The following BBS9 variants were observed in gnomAD, a reference collection of about 807,000 sequenced individuals.
BBS9 encodes Bardet-Biedl syndrome 9, also known as protein PTHB1.
BBS9 carries 89 observed loss-of-function variants against 117.7 expected under a neutral mutation model. The observed-to-expected ratio is 0.76, with a 90% confidence interval of 0.64 to 0.90. The LOEUF (loss-of-function observed/expected upper bound fraction) is 0.90. Among genes scored for constraint, BBS9 ranks in the 40% least tolerant of loss-of-function variants. The pLI, the probability that BBS9 is intolerant of heterozygous loss-of-function variation, is 0.00. For missense variants in BBS9, 982 were observed against 1,042.2 expected (o/e 0.94, Z 0.80); for synonymous variants, 379 against 370.9 (o/e 1.02, Z -0.25).
chr7:33,426,706 T>C (rs1412637663), intron 19 of BBS9, among the ~76,000 whole-genome samples: 1 of 152,140 alleles, frequency 6.6e-6, no homozygotes, highest in East Asian at 1.9e-4. Flanking sequence ...CTATGTTTAC[T>C]ATTTCCTTAA....
At chr7:33,143,845 A>G (rs984730282) in intron 1 of BBS9, among the ~76,000 whole-genome samples, 23 of 121,452 alleles carry the variant, frequency 1.9e-4, no homozygotes, top group African/African-American at 4.4e-4. Flanking sequence ...GATTACAAGT[A>G]TGAGCCACCG....
At chr7:33,418,429 T>C (rs996983981) in intron 19 of BBS9, among the ~76,000 whole-genome samples, 2 of 152,192 alleles carry the variant, frequency 1.3e-5, no homozygotes, top group African/African-American at 4.8e-5. Context: ...CTTCTTGCAG[T>C]GGAATTCTGA....
intron 20 of BBS9, among the ~76,000 whole-genome samples, chr7:33,508,015 G>T (rs1413290658): frequency 6.6e-6 from 1 of 152,144 alleles, no homozygotes; most frequent in Non-Finnish European, 1.5e-5. Flanking sequence ...AATGTGCAGT[G>T]CCTCTTTGAA....
intron 5 of BBS9, among the ~76,000 whole-genome samples, chr7:33,212,770 G>A (rs758405823): frequency 2.0e-5 from 3 of 152,146 alleles, no homozygotes; most frequent in Admixed American, 1.3e-4. Flanking sequence ...GTAGAGGTAC[G>A]GCCTTGGTAG....
intron 4 of BBS9, among the ~76,000 whole-genome samples, chr7:33,161,285 G>A (rs371345196): frequency 1.3e-5 from 2 of 151,898 alleles, no homozygotes; most frequent in Non-Finnish European, 2.9e-5. Flanking sequence ...CCCACCCCAC[G>A]ACAGGCCCTG....
At chr7:33,411,011 G>GTTTTTTTTTTTTT (rs765425062) in intron 19 of BBS9, among the ~76,000 whole-genome samples, 21 of 96,426 alleles carry the variant, frequency 2.2e-4, no homozygotes, top group African/African-American at 5.8e-4. Context: ...AAATGTTGGT[G>GTTTTTTTTTTTTT]TTTTTTTTTT....
chr7:33,295,361 C>T (rs1390464768), intron 9 of BBS9, among the ~76,000 whole-genome samples: 3 of 151,878 alleles, frequency 2.0e-5, no homozygotes, highest in Admixed American at 6.6e-5. Context: ...ACTTCAAAGA[C>T]TACAGATTAT....
rs568538671 is a variant in BBS9 at position 33,184,669 on chromosome 7, G to A, written c.442+7078G>A. ...ATGGGTTCTGCATTCTGTTTCCTTT[G>A]GGTCAGGAGTCTCCTTCGTATCGTT... On this transcript the variant is annotated intron_variant, in intron 5 of 22. Coordinates refer to ENST00000242067, the MANE Select transcript of BBS9 (RefSeq NM_198428.3). Among the ~76,000 whole-genome samples the A allele has an allele frequency of 2.6e-5, 4 of 152,192 alleles. No homozygotes were observed. In the South Asian group the frequency reaches 6.2e-4, roughly 24 times the overall value.
At position 33,352,844 on chromosome 7, in the gene BBS9, G is replaced by C; in HGVS notation, c.1538-15G>C. 1.2e-6 allele frequency: 2 copies of C among 1,612,218 alleles called. No homozygotes were observed. The highest frequency in any genetic ancestry group is 1.7e-6 in the Non-Finnish European group (2 of 1,178,562). ...TTTTCCCCCTACCCATTTTTGCATT[G>C]CCTGTGATGGACAGATCGAAATCCT... On this transcript the variant is annotated splice_polypyrimidine_tract_variant and intron_variant, in intron 14 of 22. Coordinates refer to ENST00000242067, the MANE Select transcript of BBS9 (RefSeq NM_198428.3).
chr7:33,504,194 A>T (rs548684594), intron 19 of BBS9, among the ~76,000 whole-genome samples: 6 of 152,298 alleles, frequency 3.9e-5, no homozygotes, highest in Admixed American at 3.3e-4. Flanking sequence ...CTTCGTTTAA[A>T]CTTCCATGCC....
intron 1 of BBS9, among the ~76,000 whole-genome samples, chr7:33,142,737 C>A (rs1238342805): frequency 6.8e-6 from 1 of 147,906 alleles, no homozygotes; most frequent in Admixed American, 6.8e-5. Flanking sequence ...GGTTCATCTA[C>A]ATAGCAGATG....
At chr7:33,318,484 T>C (rs1811004771) in intron 9 of BBS9, among the ~76,000 whole-genome samples, 1 of 152,184 alleles carries the variant, frequency 6.6e-6, no homozygotes, top group Non-Finnish European at 1.5e-5. Context: ...CAATCCCATA[T>C]TCTCACTGCC....
chr7:33,406,344 G>C (rs996908103), intron 19 of BBS9, among the ~76,000 whole-genome samples: 1 of 152,188 alleles, frequency 6.6e-6, no homozygotes, highest in Non-Finnish European at 1.5e-5. Flanking sequence ...GAGTTCTGTA[G>C]ATGTCTATTA....
intron 9 of BBS9, among the ~76,000 whole-genome samples, chr7:33,321,484 A>G (rs909706422): frequency 6.6e-6 from 1 of 150,766 alleles, no homozygotes; most frequent in African/African-American, 2.4e-5. Context: ...TTTTCTTTGT[A>G]GCTTTTGTAA....
intron 19 of BBS9, among the ~76,000 whole-genome samples, chr7:33,421,224 G>A (rs1331441043): frequency 1.3e-5 from 2 of 151,616 alleles, no homozygotes; most frequent in African/African-American, 4.8e-5. Context: ...CAAACTGTGA[G>A]TCCAAGTAGG....
intron 19 of BBS9, among the ~76,000 whole-genome samples, chr7:33,404,811 C>G (rs925942052): frequency 1.3e-5 from 2 of 152,122 alleles, no homozygotes; most frequent in South Asian, 2.1e-4. Flanking sequence ...TTGACTTCCT[C>G]TTTTCCTAAT....
Position 33,223,803 on chromosome 7 carries a change from G to A in BBS9, c.443-33433G>A, listed in dbSNP as rs17170121. Among the ~76,000 whole-genome samples the A allele has an allele frequency of 4.9e-3, 749 of 152,158 alleles. 4 individuals carry two copies. Among genetic ancestry groups the A allele is most frequent in the African/African-American group, 0.017 (705 of 41,524 alleles). ...GAATGGAATCCTAAAAGCTCAAGGG[G>A]CTATTTAATATTTATTATATTTGGG... On this transcript the variant is annotated intron_variant, in intron 5 of 22. Transcript: ENST00000242067.
intron 21 of BBS9, among the ~76,000 whole-genome samples, chr7:33,621,256 C>T (rs528288350): frequency 9.9e-5 from 15 of 152,178 alleles, no homozygotes; most frequent in South Asian, 6.2e-4. Context: ...AAAGAGTAAA[C>T]AGACAACCTA....
At chr7:33,311,490 A>G (rs143520223) in intron 9 of BBS9, among the ~76,000 whole-genome samples, 37 of 152,268 alleles carry the variant, frequency 2.4e-4, no homozygotes, top group Admixed American at 4.6e-4. Flanking sequence ...TTTGTGACTT[A>G]TCTCTCACTC....
Sources: gnomAD v4.1 joint callset for allele counts (sites outside exome capture counted in the v4.1 genomes callset) on GRCh38, gnomAD v4.1.1 for gene constraint, MANE v1.5 for transcripts, NCBI Gene and HGNC (gene_info 2026-07-23, HGNC 2026-07-21) for gene names.